The following CEMIP variants were observed in gnomAD, a reference collection of about 807,000 sequenced individuals.
The protein encoded by CEMIP is cell migration-inducing and hyaluronan-binding protein.
A neutral mutation model predicts 156.9 loss-of-function variants in CEMIP; 105 were observed. That is an observed-to-expected ratio of 0.67 (90% CI 0.57 to 0.79). CEMIP has a LOEUF of 0.79. Ranked by LOEUF, CEMIP falls within the 30% of genes least tolerant of loss-of-function variation. The pLI, the probability that CEMIP is intolerant of heterozygous loss-of-function variation, is 0.00. For synonymous variants in CEMIP, 676 were observed against 668.4 expected (o/e 1.01, Z -0.17); for missense variants, 1,457 against 1,769.4 (o/e 0.82, Z 3.17).
At chr15:80,801,716 T>G (rs1436256851) in intron 1 of CEMIP, among the ~76,000 whole-genome samples, 1 of 152,206 alleles carries the variant, frequency 6.6e-6, no homozygotes, top group Non-Finnish European at 1.5e-5. Flanking sequence ...CCACCTTTGA[T>G]AGAGGTACTT....
chr15:80,860,916 A>G (rs55633831), intron 1 of CEMIP, among the ~76,000 whole-genome samples: 23,254 of 151,494 alleles, frequency 0.15, 2,126 homozygotes, highest in Admixed American at 0.24. Flanking sequence ...TCCTAACCCC[A>G]TTGTCTCTTC....
At chr15:80,886,218 G>A (rs1898831912) in intron 7 of CEMIP, among the ~76,000 whole-genome samples, 1 of 151,854 alleles carries the variant, frequency 6.6e-6, no homozygotes, top group Non-Finnish European at 1.5e-5. Flanking sequence ...AGCAGCTTCG[G>A]AGGCCCAGGG....
At position 80,873,850 on chromosome 15, in the gene CEMIP, T is replaced by C. The variant is rs1196128299; in HGVS notation, c.-16-14T>C. ...CCAAGGCTGCATGTCTGACTCTGTG[T>C]GCTTCTCTTTCAGGGAGCACACTGC... On this transcript the variant is annotated splice_polypyrimidine_tract_variant and intron_variant, in intron 2 of 29. Transcript: ENST00000394685. The C allele has an allele frequency of 7.7e-6, 12 of 1,548,834 alleles. No individual in the cohort carries two copies. In the East Asian group the frequency reaches 2.6e-4, roughly 34 times the overall value.
chr15:80,880,723 A>G (rs1477108047), intron 5 of CEMIP, among the ~76,000 whole-genome samples, 177 bp from the exon 6 acceptor site: 2 of 152,316 alleles, frequency 1.3e-5, no homozygotes, highest in South Asian at 4.1e-4. Context: ...GGCATGAGCC[A>G]CAAGCCCAGC....
At chr15:80,784,367 G>A (rs1264168142) in intron 1 of CEMIP, among the ~76,000 whole-genome samples, 1 of 152,164 alleles carries the variant, frequency 6.6e-6, no homozygotes, top group African/African-American at 2.4e-5. Flanking sequence ...ACATCACACG[G>A]AGGAGGGAGG....
chr15:80,889,351 C>A, intron 9 of CEMIP, 120 bp from the exon 10 acceptor site: 1 of 1,398,394 alleles, frequency 7.2e-7, no homozygotes, highest in Non-Finnish European at 1.0e-6. Flanking sequence ...CAGCCTGGTG[C>A]AACCATGGAC....
At chr15:80,910,652 A>G (rs1292674484) in intron 14 of CEMIP, among the ~76,000 whole-genome samples, 1 of 152,224 alleles carries the variant, frequency 6.6e-6, no homozygotes. Context: ...GCCTGGGTTC[A>G]AGGGCTTGAT....
chr15:80,783,295 T>C (rs1363628613), intron 1 of CEMIP, among the ~76,000 whole-genome samples: 2 of 152,272 alleles, frequency 1.3e-5, no homozygotes, highest in Non-Finnish European at 2.9e-5. Flanking sequence ...AACAAAGTTG[T>C]ATTTGTGAGT....
At chr15:80,830,945 GT>G (rs1897143246) in intron 1 of CEMIP, among the ~76,000 whole-genome samples, 1 of 152,168 alleles carries the variant, frequency 6.6e-6, no homozygotes, top group Non-Finnish European at 1.5e-5. Context: ...TGTACTGAAT[GT>G]TTTATGTGTA....
At chr15:80,858,546 T>G (rs1897908104) in intron 1 of CEMIP, among the ~76,000 whole-genome samples, 1 of 142,508 alleles carries the variant, frequency 7.0e-6, no homozygotes, top group South Asian at 2.2e-4. Context: ...AAACCTGGTC[T>G]CTACTAAAAA....
intron 1 of CEMIP, among the ~76,000 whole-genome samples, chr15:80,838,800 G>C (rs954541421): frequency 2.0e-5 from 3 of 152,234 alleles, no homozygotes; most frequent in Admixed American, 6.5e-5. Context: ...TTTTGCAGAC[G>C]AGCACACTGA....
Position 80,937,938 on chromosome 15 carries a change from C to A in CEMIP, c.3366C>A (p.Ser1122Arg). 6.2e-7 allele frequency: 1 copy of A among 1,614,204 alleles called. No homozygotes were observed. The highest frequency in any genetic ancestry group is 1.1e-5 in the South Asian group (1 of 91,084). ...TGCAGATGGACAAAGTGGAGCAGAG[C>A]TACCCTGGCAGGAGCCACTACTACT... The part of the protein sequence containing the change: ...RTLQMDKVEQ[S>R]YPGRSHYYWD... Residue 1122 changes from serine (S) to arginine (R), a missense_variant, in exon 25 of 30, where the codon AGC becomes AGA. Transcript: ENST00000394685.
chr15:80,936,848 C>T lies in CEMIP; in HGVS notation c.3184C>T (p.Pro1062Ser). The T allele has an allele frequency of 6.2e-7, 1 of 1,614,208 alleles. No individual in the cohort carries two copies. Among genetic ancestry groups the T allele is most frequent in the Non-Finnish European group, 8.5e-7 (1 of 1,180,044 alleles). Reference sequence around the variant, plus strand: ...CACCATCCACTGGGACCAGACGGCCCCCGCCGAACTCGCCATCTGGCTCAT... The same window carrying T: ...CACCATCCACTGGGACCAGACGGCCTCCGCCGAACTCGCCATCTGGCTCAT... ...GYTIHWDQTA[P>S]AELAIWLINF... The change falls in exon 24 of 30, where the codon CCC becomes TCC. Residue 1062 changes from proline (P) to serine (S), a missense_variant. By Grantham distance (74) the Pro-to-Ser change is moderately conservative (BLOSUM62 -1). Around this residue, in one of 5 missense-constraint regions of CEMIP, gnomAD observed 798 missense variants for 980.1 expected, o/e 0.81. Coordinates refer to ENST00000394685, the MANE Select transcript of CEMIP (RefSeq NM_001293298.2).
Position 80,844,767 on chromosome 15 carries a change from C to T in CEMIP, c.-175-28771C>T, listed in dbSNP as rs530755312. On this transcript the variant is annotated intron_variant, in intron 1 of 29. Coordinates refer to ENST00000394685, the MANE Select transcript of CEMIP (RefSeq NM_001293298.2). Reference sequence around the variant, plus strand: ...CAGATATCAGAGGTGCTGAAAACATCCTGAGGCTGTGTAGAAACACAGCGA... The same window carrying T: ...CAGATATCAGAGGTGCTGAAAACATTCTGAGGCTGTGTAGAAACACAGCGA... 5.9e-5 allele frequency among the ~76,000 whole-genome samples: 9 copies of T among 152,314 alleles called. No homozygotes were observed. In the South Asian group the frequency reaches 8.3e-4, roughly 14 times the overall value.
chr15:80,836,305 T>C (rs1252519710), intron 1 of CEMIP, among the ~76,000 whole-genome samples: 1 of 152,210 alleles, frequency 6.6e-6, no homozygotes, highest in Non-Finnish European at 1.5e-5. Flanking sequence ...GTGCTATTAA[T>C]GGGCTGAGGA....
rs1168764895 is a variant in CEMIP, at chr15:80,899,235, A to G, written c.1411+3175A>G. 2.0e-5 allele frequency among the ~76,000 whole-genome samples: 3 copies of G among 151,492 alleles called. No homozygotes were observed. The East Asian group carries it at 5.8e-4, about 29-fold the overall frequency. On this transcript the variant is annotated intron_variant, in intron 12 of 29. Coordinates refer to ENST00000394685, the MANE Select transcript of CEMIP (RefSeq NM_001293298.2). The stretch of plus-strand genomic sequence containing the variant: ...CTCAAAAAAAAAAAAAAAAGAAAGA[A>G]AGAGAGAAAGAAAACACATACAATG...
At chr15:80,872,297 T>C (rs1421174290) in intron 1 of CEMIP, among the ~76,000 whole-genome samples, 2 of 152,310 alleles carry the variant, frequency 1.3e-5, no homozygotes, top group Non-Finnish European at 2.9e-5. Flanking sequence ...GGAGATGGCA[T>C]AGAAGCCGAA....
intron 19 of CEMIP, among the ~76,000 whole-genome samples, chr15:80,926,755 A>C (rs1232626941): frequency 6.9e-6 from 1 of 144,218 alleles, no homozygotes; most frequent in Non-Finnish European, 1.5e-5. Context: ...AATAAACAAT[A>C]AATTTTTTTT....
At chr15:80,864,441 C>T (rs983338551) in intron 1 of CEMIP, among the ~76,000 whole-genome samples, 6 of 152,222 alleles carry the variant, frequency 3.9e-5, no homozygotes, top group East Asian at 1.9e-4. Context: ...GCCAGGCTGA[C>T]GGTCAGCTGC....
Sources: allele counts gnomAD v4.1 joint callset (sites outside exome capture counted in the v4.1 genomes callset), GRCh38; gene constraint gnomAD v4.1.1; regional missense constraint gnomAD v4.1.1; transcripts MANE v1.5; gene names NCBI Gene and HGNC (gene_info 2026-07-23, HGNC 2026-07-21).